Variants in TENM2 observed in about 807,000 individuals in gnomAD.
The protein encoded by TENM2 is teneurin-2.
In TENM2, 52 loss-of-function variants were observed where a neutral mutation model predicts 245.2. The ratio of observed to expected loss-of-function variants is 0.21; its 90% CI spans 0.17 to 0.27. TENM2 has a LOEUF of 0.27. TENM2 is among the 10% of genes least tolerant of loss of function. TENM2 has a pLI of 1.00. For synonymous variants in TENM2, 1,363 were observed against 1,438.9 expected, an observed-to-expected ratio of 0.95 and a Z score of 1.19; for missense variants, 3,046 against 3,666.8, an observed-to-expected ratio of 0.83 and a Z score of 4.37.
At chr5:167,792,134 C>G (rs1765020744) in intron 2 of TENM2, among the ~76,000 whole-genome samples, 1 of 152,110 alleles carries the variant, frequency 6.6e-6, no homozygotes, top group Non-Finnish European at 1.5e-5. Context: ...GCTGGCCTTG[C>G]TCGTTTATGG....
In TENM2 at chr5:167,875,969, T is replaced by A; in HGVS notation, c.503-17T>A. 3.2e-6 allele frequency: 5 copies of A among 1,545,268 alleles called. No individual in the cohort carries two copies. The highest frequency in any genetic ancestry group is 4.4e-6 in the Non-Finnish European group (5 of 1,142,298). ...ACACTCATTGCTGACCTTTGACCCC[T>A]CTGTCCTCTTTCCCAGGTCGTCCCA... On this transcript the variant is annotated splice_polypyrimidine_tract_variant and intron_variant, in intron 2 of 28. Coordinates refer to ENST00000518659, the Ensembl canonical transcript of TENM2.
chr5:167,560,899 C>G (rs913514189), intron 2 of TENM2, among the ~76,000 whole-genome samples: 1 of 144,726 alleles, frequency 6.9e-6, no homozygotes, highest in East Asian at 2.1e-4. Flanking sequence ...ATTAGATTGT[C>G]ATGAACTGGG....
chr5:167,757,657 A>C (rs1034901227), intron 2 of TENM2, among the ~76,000 whole-genome samples: 8 of 152,108 alleles, frequency 5.3e-5, no homozygotes, highest in African/African-American at 1.7e-4. Context: ...GATCCTTGAG[A>C]AATCACCACA....
the TENM2 span, among the ~76,000 whole-genome samples, chr5:167,216,715 C>A: frequency 0.041 from 6,277 of 152,178 alleles, 428 homozygotes; most frequent in African/African-American, 0.14. Context: ...CACTTGAAGC[C>A]AGGAGTTTGA....
the TENM2 span, among the ~76,000 whole-genome samples, chr5:167,246,650 C>G: frequency 6.6e-6 from 1 of 152,010 alleles, no homozygotes; most frequent in East Asian, 1.9e-4. Context: ...TTGAAAAAAG[C>G]AAGGGCAAGC....
chr5:167,196,024 A>G, the TENM2 span, among the ~76,000 whole-genome samples: 2 of 152,020 alleles, frequency 1.3e-5, no homozygotes, highest in Non-Finnish European at 2.9e-5. Flanking sequence ...ATTCTGAGAA[A>G]TTCATTATTA....
chr5:167,736,899 C>A (rs1266292675), intron 2 of TENM2, among the ~76,000 whole-genome samples: 6 of 152,178 alleles, frequency 3.9e-5, no homozygotes, highest in African/African-American at 1.4e-4. Flanking sequence ...ATGGGGAAGT[C>A]TGCCTTCCCT....
At chr5:168,018,725 T>C (rs1785882550) in intron 5 of TENM2, among the ~76,000 whole-genome samples, 1 of 152,196 alleles carries the variant, frequency 6.6e-6, no homozygotes, top group Admixed American at 6.5e-5. Context: ...CACATTCTTA[T>C]ACTTGGGTTG....
intron 2 of TENM2, among the ~76,000 whole-genome samples, chr5:167,835,166 A>G (rs1237657924): frequency 6.6e-6 from 1 of 152,226 alleles, no homozygotes; most frequent in Admixed American, 6.5e-5. Context: ...ATGTTTATAT[A>G]AAGTGCCTGG....
chr5:167,520,932 C>CT (rs374211778), intron 2 of TENM2, among the ~76,000 whole-genome samples: 1,879 of 130,496 alleles, frequency 0.014, 20 homozygotes, highest in African/African-American at 0.032. Flanking sequence ...ATTCTTTTTC[C>CT]TTTTTTTTTT....
chr5:167,563,035 G>A (rs1317941899), intron 2 of TENM2, among the ~76,000 whole-genome samples: 2 of 151,902 alleles, frequency 1.3e-5, no homozygotes, highest in East Asian at 3.9e-4. Context: ...CTAAATGCCA[G>A]TGTGTCACAT....
the TENM2 span, among the ~76,000 whole-genome samples, chr5:166,979,964 A>G: frequency 6.6e-6 from 1 of 152,190 alleles, no homozygotes; most frequent in Admixed American, 6.5e-5. Flanking sequence ...TTTTGACAGC[A>G]TGAGAGATGC....
chr5:167,419,287 C>A (rs1208562310), intron 2 of TENM2, among the ~76,000 whole-genome samples: 1 of 151,984 alleles, frequency 6.6e-6, no homozygotes, highest in Non-Finnish European at 1.5e-5. Flanking sequence ...CGTGGTGAAA[C>A]CCCACCTCTA....
the TENM2 span, among the ~76,000 whole-genome samples, chr5:167,203,254 C>G: frequency 9.0e-4 from 137 of 152,180 alleles, 1 homozygote; most frequent in Non-Finnish European, 1.5e-3. Flanking sequence ...GATGCAACTT[C>G]CTAGTCTCCA....
intron 2 of TENM2, among the ~76,000 whole-genome samples, chr5:167,466,556 C>G (rs1342154021): frequency 2.0e-5 from 3 of 152,116 alleles, no homozygotes; most frequent in Admixed American, 6.5e-5. Context: ...ATGATAACAT[C>G]TTTTGAGGAA....
At chr5:167,709,751 C>T (rs563431159) in intron 2 of TENM2, among the ~76,000 whole-genome samples, 1 of 152,156 alleles carries the variant, frequency 6.6e-6, no homozygotes, top group Non-Finnish European at 1.5e-5. Context: ...CTTGTCTCTT[C>T]AAGAAAATGG....
At chr5:167,638,541 T>C (rs1779361054) in intron 2 of TENM2, among the ~76,000 whole-genome samples, 1 of 152,184 alleles carries the variant, frequency 6.6e-6, no homozygotes, top group Admixed American at 6.5e-5. Flanking sequence ...AATAAATGAA[T>C]TACCAAGAAG....
exon 3 of TENM2, chr5:167,876,132 G>C: frequency 6.4e-7 from 1 of 1,551,528 alleles, no homozygotes; most frequent in Non-Finnish European, 8.7e-7. Flanking sequence ...CCCTGATGAG[G>C]AATTCTCCCC....
chr5:167,695,135 G>C (rs1430908489), intron 2 of TENM2, among the ~76,000 whole-genome samples: 1 of 152,122 alleles, frequency 6.6e-6, no homozygotes, highest in Non-Finnish European at 1.5e-5. Context: ...CAGAGTATGG[G>C]AGCTACACAT....
Sources: allele counts gnomAD v4.1 joint callset (sites outside exome capture counted in the v4.1 genomes callset), GRCh38; gene constraint gnomAD v4.1.1; transcripts MANE v1.5; gene names NCBI Gene and HGNC (gene_info 2026-07-23, HGNC 2026-07-21).